The following PPP2R2A variants were observed in gnomAD, a reference collection of about 807,000 sequenced individuals.
The protein encoded by PPP2R2A is serine/threonine-protein phosphatase 2A 55 kDa regulatory subunit B alpha isoform.
Under a neutral mutation model 53.2 loss-of-function variants are expected in PPP2R2A, and 9 were observed. The observed-to-expected ratio is 0.17, with a 90% CI of 0.10 to 0.30. PPP2R2A has a LOEUF of 0.30. Ranked by LOEUF, PPP2R2A falls within the 10% of genes least tolerant of loss-of-function variation. The probability of loss-of-function intolerance (pLI) is 1.00; values close to 1 mark genes in which losing one functional copy is unlikely to be tolerated. For missense variants in PPP2R2A, 235 were observed against 534.6 expected, an observed-to-expected ratio of 0.44 and a Z score of 5.53; for synonymous variants, 169 against 174.2, an observed-to-expected ratio of 0.97 and a Z score of 0.23.
At position 26,360,816 on chromosome 8, in the gene PPP2R2A, C is replaced by T. The variant is rs12682345; in HGVS notation, c.460-158C>T. On this transcript the variant is annotated intron_variant, in intron 5 of 9. Coordinates refer to ENST00000380737, the MANE Select transcript of PPP2R2A (RefSeq NM_002717.4). The surrounding 1 kb of genome is among the most constrained non-coding windows in gnomAD (Gnocchi z 4.5). ...CATTGTTCATTTTTTCTTCAGCACT[C>T]GAAAGGATCAACATCAGTTGCTTTT... The T allele has an allele frequency of 0.72, 452,801 of 626,220 alleles. 164,880 individuals carry two copies. The highest frequency in any genetic ancestry group is 0.87 in the East Asian group (26,862 of 30,870). The allele number at this position is 626,220 out of a possible 1,614,324, so 38.8% of individuals were successfully genotyped here. A position where few individuals can be genotyped will look rare whatever the true frequency, so the allele number is the denominator to read the frequency against.
rs1011664356 is a variant in PPP2R2A at position 26,370,291 on chromosome 8, A to G, written c.1222A>G (p.Ile408Val). Residue 408 changes from isoleucine to valine, a missense_variant, in exon 10 of 10, where the codon ATA (isoleucine) becomes GTA (valine). Physicochemically the swap from Ile to Val is conservative, Grantham distance 29. Coordinates refer to ENST00000380737, the MANE Select transcript of PPP2R2A (RefSeq NM_002717.4). The surrounding 1 kb of genome is among the most constrained non-coding windows in gnomAD (Gnocchi z 6.1). Reference protein sequence around the residue: ...CASGKRKKDEISVDSLDFNKK... With the variant: ...CASGKRKKDEVSVDSLDFNKK... The stretch of plus-strand genomic sequence containing the variant: ...AAGTGGCAAGCGAAAGAAAGATGAA[A>G]TAAGTGTTGACAGCCTAGACTTCAA... 3 of 1,614,218 alleles carry G rather than the reference A, an allele frequency of 1.9e-6. No homozygotes were observed. The highest frequency in any genetic ancestry group is 4.5e-5 in the East Asian group (2 of 44,888).
Position 26,321,517 on chromosome 8 carries a change from T to C in PPP2R2A, c.83-17373T>C, listed in dbSNP as rs761037970. Among the ~76,000 whole-genome samples, 12 of 152,176 alleles carry C rather than the reference T, an allele frequency of 7.9e-5. No individual in the cohort carries two copies. The highest frequency in any genetic ancestry group is 1.3e-4 in the Non-Finnish European group (9 of 68,016). ...GATGCTGGGATGCTGCTTCAGAGGTTAGGTTACAGAAAGGTTTTGGCATCC... is the reference window on the plus strand; with the variant it reads ...GATGCTGGGATGCTGCTTCAGAGGTCAGGTTACAGAAAGGTTTTGGCATCC... On this transcript the variant is annotated intron_variant, in intron 2 of 9. Transcript: ENST00000380737. This position sits in a 1 kb window ranked among gnomAD's most constrained non-coding sequence, Gnocchi z 4.1.
chr8:26,363,089 C>G (rs557158082), intron 7 of PPP2R2A: 1 of 359,990 alleles, frequency 2.8e-6, no homozygotes, highest in East Asian at 5.1e-5. Flanking sequence ...TGCTGTTGTT[C>G]TTTGGTAACT....
chr8:26,308,714 A>G (rs1175555260), intron 2 of PPP2R2A, among the ~76,000 whole-genome samples: 1 of 152,168 alleles, frequency 6.6e-6, no homozygotes, highest in African/African-American at 2.4e-5. Context: ...ACTCTTGTCA[A>G]TGTTGATATT....
chr8:26,354,375 G>T lies in PPP2R2A; in HGVS notation c.181-93G>T. 1 of 1,016,878 alleles carries T rather than the reference G, an allele frequency of 9.8e-7. No individual in the cohort carries two copies. The highest frequency in any genetic ancestry group is 1.4e-6 in the Non-Finnish European group (1 of 735,746). 63.0% of individuals were successfully genotyped at this position (1,016,878 alleles called of 1,614,324 possible). A position where few individuals can be genotyped will look rare whatever the true frequency, so the allele number is the denominator to read the frequency against. On this transcript the variant is annotated intron_variant, in intron 3 of 9. Coordinates refer to ENST00000380737, the MANE Select transcript of PPP2R2A (RefSeq NM_002717.4). The surrounding 1 kb of genome is among the most constrained non-coding windows in gnomAD (Gnocchi z 4.6). ...ATAAAGACACAACTAATGGGGTATTGAGAATGTGCAGGGTCCTTTGGAATT... is the reference window on the plus strand; with the variant it reads ...ATAAAGACACAACTAATGGGGTATTTAGAATGTGCAGGGTCCTTTGGAATT...
At chr8:26,320,066 T>C (rs1409223669) in intron 2 of PPP2R2A, among the ~76,000 whole-genome samples, 2 of 152,194 alleles carry the variant, frequency 1.3e-5, no homozygotes, top group African/African-American at 4.8e-5. Flanking sequence ...AAAATGTTTG[T>C]AAATCACCTT....
intron 2 of PPP2R2A, among the ~76,000 whole-genome samples, chr8:26,319,335 G>C (rs1001841566): frequency 1.3e-5 from 2 of 152,088 alleles, no homozygotes; most frequent in Admixed American, 1.3e-4. Context: ...AAGAAGTGCA[G>C]CTAGTGTATC....
At chr8:26,313,045 T>TA (rs1401855837) in intron 2 of PPP2R2A, among the ~76,000 whole-genome samples, 2 of 147,528 alleles carry the variant, frequency 1.4e-5, no homozygotes, top group African/African-American at 5.0e-5. Context: ...TTTTTTTTCT[T>TA]TTTTTTTTTT....
intron 2 of PPP2R2A, among the ~76,000 whole-genome samples, chr8:26,302,122 C>T (rs1406668958): frequency 6.6e-6 from 1 of 152,182 alleles, no homozygotes; most frequent in African/African-American, 2.4e-5. Context: ...GTTTCAACTG[C>T]AGTTTTCATG....
Position 26,360,329 on chromosome 8 carries a change from TATATA to T in PPP2R2A, c.459+49_459+53del. 3 of 1,112,036 alleles carry T rather than the reference TATATA, an allele frequency of 2.7e-6. No homozygotes were observed. Among genetic ancestry groups the T allele is most frequent in the Non-Finnish European group, 4.0e-6 (3 of 748,822 alleles). The allele number at this position is 1,112,036 out of a possible 1,614,324, so 68.9% of individuals were successfully genotyped here. A position where few individuals can be genotyped will look rare whatever the true frequency, so the allele number is the denominator to read the frequency against. ...TCACAGATAGTGCTTGTATTCATATTATATAGCCCAAATCCTGAGCAGAGCTTGAA... is the reference window on the plus strand; with the variant it reads ...TCACAGATAGTGCTTGTATTCATATTGCCCAAATCCTGAGCAGAGCTTGAA... On this transcript the variant is annotated intron_variant, in intron 5 of 9. Transcript: ENST00000380737. The surrounding 1 kb of genome is among the most constrained non-coding windows in gnomAD (Gnocchi z 4.5).
At chr8:26,352,225 A>G in intron 3 of PPP2R2A, among the ~76,000 whole-genome samples, 1 of 152,216 alleles carries the variant, frequency 6.6e-6, no homozygotes, top group East Asian at 1.9e-4. Context: ...ATTTTGATGC[A>G]TTCTCATTTG....
At chr8:26,348,951 T>C (rs1030982878) in intron 3 of PPP2R2A, among the ~76,000 whole-genome samples, 1 of 152,094 alleles carries the variant, frequency 6.6e-6, no homozygotes, top group Admixed American at 6.5e-5. Flanking sequence ...TTATTTACTG[T>C]CAATGTTTTC....
chr8:26,324,161 G>C (rs1178283625), intron 2 of PPP2R2A, among the ~76,000 whole-genome samples: 2 of 152,112 alleles, frequency 1.3e-5, no homozygotes, highest in African/African-American at 4.8e-5. Context: ...AAGTTTGGAT[G>C]GCTCATTCCT....
chr8:26,311,662 G>T (rs73675952), intron 2 of PPP2R2A, among the ~76,000 whole-genome samples: 7 of 152,108 alleles, frequency 4.6e-5, no homozygotes, highest in Non-Finnish European at 5.9e-5. Context: ...TCTGGGCAAC[G>T]TAGCATGACC....
chr8:26,298,907 A>AT (rs1416771960), intron 2 of PPP2R2A, among the ~76,000 whole-genome samples: 2 of 152,244 alleles, frequency 1.3e-5, no homozygotes, highest in African/African-American at 4.8e-5. Context: ...ATGTGTTTAA[A>AT]TTTTACTTGT....
chr8:26,363,596 T>C, intron 7 of PPP2R2A, 125 bp from the exon 8 acceptor site: 1 of 825,518 alleles, frequency 1.2e-6, no homozygotes. Flanking sequence ...GTTTTTCAGT[T>C]CTTTATTAGC....
At chr8:26,348,368 T>G (rs918972471) in intron 3 of PPP2R2A, among the ~76,000 whole-genome samples, 1 of 152,204 alleles carries the variant, frequency 6.6e-6, no homozygotes, top group African/African-American at 2.4e-5. Context: ...ATTGGAGACT[T>G]ATTGAATGCT....
At chr8:26,320,683 G>A (rs1192540149) in intron 2 of PPP2R2A, among the ~76,000 whole-genome samples, 2 of 152,158 alleles carry the variant, frequency 1.3e-5, no homozygotes, top group African/African-American at 2.4e-5. Flanking sequence ...TATATTGTTA[G>A]TGTTGCTGTG....
At position 26,354,329 on chromosome 8, in the gene PPP2R2A, T is replaced by TA. The variant is rs1804666695; in HGVS notation, c.181-133dup. The TA allele has an allele frequency of 1.6e-6, 1 of 611,496 alleles. No individual in the cohort carries two copies. The highest frequency in any genetic ancestry group is 1.9e-5 in the African/African-American group (1 of 52,330). 37.9% of individuals were successfully genotyped at this position (611,496 alleles called of 1,614,324 possible). A position where few individuals can be genotyped will look rare whatever the true frequency, so the allele number is the denominator to read the frequency against. On this transcript the variant is annotated intron_variant, in intron 3 of 9. Coordinates refer to ENST00000380737, the MANE Select transcript of PPP2R2A (RefSeq NM_002717.4). The surrounding 1 kb of genome is among the most constrained non-coding windows in gnomAD (Gnocchi z 4.6). ...TAATCCTTGAAGGCCTTTAGAAATA[T>TA]AAAAAACAGAATGTAATTGTATAAA...
Sources: gnomAD v4.1 joint callset for allele counts (sites outside exome capture counted in the v4.1 genomes callset) on GRCh38, gnomAD v4.1.1 for gene constraint, Gnocchi (gnomAD v3.1) non-coding constraint, MANE v1.5 for transcripts, NCBI Gene and HGNC (gene_info 2026-07-23, HGNC 2026-07-21) for gene names.